NEK3: variants seen among roughly 807,000 people sequenced by gnomAD.
The protein encoded by NEK3 is serine/threonine-protein kinase Nek3.
NEK3 carries 54 observed loss-of-function variants against 66.0 expected under a neutral mutation model. The ratio of observed to expected loss-of-function variants is 0.82; its 90% CI spans 0.66 to 1.03. The LOEUF (loss-of-function observed/expected upper bound fraction) is 1.03, where lower values mean the gene tolerates loss of function less well. Ranked by LOEUF, NEK3 falls within the 50% of genes least tolerant of loss-of-function variation. NEK3 has a pLI of 0.00. For missense variants in NEK3, 593 were observed against 603.0 expected, an observed-to-expected ratio of 0.98 and a Z score of 0.17; for synonymous variants, 200 against 206.2, an observed-to-expected ratio of 0.97 and a Z score of 0.26.
At chr13:52,150,496 T>TTGGCAG (rs1191015648) in intron 7 of NEK3, among the ~76,000 whole-genome samples, 1 of 152,226 alleles carries the variant, frequency 6.6e-6, no homozygotes, top group African/African-American at 2.4e-5. Flanking sequence ...CAAAATGTTA[T>TTGGCAG]TGGCAGTTAA....
intron 9 of NEK3, 21 bp from the exon 10 acceptor site, chr13:52,144,008 T>TAGG (rs1206236324): frequency 7.4e-7 from 1 of 1,348,464 alleles, no homozygotes; most frequent in Non-Finnish European, 1.0e-6. Flanking sequence ...AAGTTGAGAA[T>TAGG]TTAGAGATGT....
At chr13:52,157,481 A>G (rs1299993391) in intron 1 of NEK3, 1 of 152,338 alleles carries the variant, frequency 6.6e-6, no homozygotes, top group Non-Finnish European at 1.5e-5. Context: ...GAGGAAAGGC[A>G]CAATGGTTGT....
intron 1 of NEK3, chr13:52,159,201 T>C (rs1325601981): frequency 6.6e-6 from 1 of 152,240 alleles, no homozygotes; most frequent in Non-Finnish European, 1.5e-5. Context: ...TTCTCACTGG[T>C]TCTTTCCGGG....
intron 5 of NEK3, among the ~76,000 whole-genome samples, chr13:52,152,319 A>T (rs1278989360): frequency 6.6e-6 from 1 of 152,152 alleles, no homozygotes; most frequent in East Asian, 1.9e-4. Flanking sequence ...CTCACCACAA[A>T]GAAATAATAA....
chr13:52,144,998 G>T, intron 8 of NEK3, 107 bp from the exon 9 acceptor site: 1 of 759,044 alleles, frequency 1.3e-6, no homozygotes, highest in South Asian at 1.8e-5. Flanking sequence ...TCTGCTGTCT[G>T]GTCATTTTTC....
chr13:52,150,251 ATGTT>A (rs1956331718), intron 7 of NEK3, among the ~76,000 whole-genome samples: 1 of 152,204 alleles, frequency 6.6e-6, no homozygotes, highest in Non-Finnish European at 1.5e-5. Flanking sequence ...GACAAAAGGT[ATGTT>A]AATTACAGCA....
Position 52,144,731 on chromosome 13 carries a change from C to G in NEK3, c.764G>C (p.Gly255Ala), listed in dbSNP as rs573295625. The change falls in exon 9 of 16, where the codon GGC becomes GCC. Residue 255 changes from glycine (G) to alanine (A), a missense_variant. Physicochemically the swap from Gly to Ala is moderately conservative, Grantham distance 60 (BLOSUM62 0). Coordinates refer to ENST00000610828, the MANE Select transcript of NEK3 (RefSeq NM_002498.3). Reference sequence around the variant, plus strand: ...CTTCTGGACAAGCCGAGCTACGATGCCTCGAGAGAGAAGCGTTGTAGCCGA... The same window carrying G: ...CTTCTGGACAAGCCGAGCTACGATGGCTCGAGAGAGAAGCGTTGTAGCCGA... ...RPSATTLLSR[G>A]IVARLVQKCL... The G allele has an allele frequency of 5.6e-6, 9 of 1,613,854 alleles. No homozygotes were observed. The highest frequency in any genetic ancestry group is 7.6e-6 in the Non-Finnish European group (9 of 1,179,864).
Position 52,144,743 on chromosome 13 carries a change from A to C in NEK3, c.752T>G (p.Leu251Arg). Residue 251 changes from leucine to arginine, a missense_variant, in exon 9 of 16, where the codon CTT (leucine) becomes CGT (arginine). Coordinates refer to ENST00000610828, the MANE Select transcript of NEK3 (RefSeq NM_002498.3). ...NPSHRPSATT[L>R]LSRGIVARLV... is the part of the protein sequence containing the mutation. ...CCGAGCTACGATGCCTCGAGAGAGA[A>C]GCGTTGTAGCCGAGGGGCGATGTGA... The C allele has an allele frequency of 6.2e-7, 1 of 1,613,924 alleles. No individual in the cohort carries two copies. The highest frequency in any genetic ancestry group is 8.5e-7 in the Non-Finnish European group (1 of 1,179,868).
At chr13:52,151,479 G>A (rs1421268724) in intron 5 of NEK3, 87 bp from the exon 6 acceptor site, 3 of 1,199,828 alleles carry the variant, frequency 2.5e-6, no homozygotes, top group African/African-American at 1.5e-5. Context: ...GCTGATGATG[G>A]AGATTAAGGC....
At position 52,136,169 on chromosome 13, in the gene NEK3, G is replaced by A; in HGVS notation, c.1121C>T (p.Ala374Val). 6.2e-7 allele frequency: 1 copy of A among 1,613,754 alleles called. No homozygotes were observed. The highest frequency in any genetic ancestry group is 8.5e-7 in the Non-Finnish European group (1 of 1,179,730). The stretch of plus-strand genomic sequence containing the variant: ...GGTGAGTATGGATGCATTTTCCAAA[G>A]CTGTAAGAGCTGTATTGGGTACATT... ...EKNVPNTALT[A>V]LENASILTSS... Residue 374 changes from alanine (A) to valine (V), a missense_variant, in exon 13 of 16, where the codon GCT becomes GTT. By Grantham distance (64) the Ala-to-Val change is moderately conservative (BLOSUM62 0). Transcript: ENST00000610828.
In NEK3 at chr13:52,140,572, C is replaced by T. The variant is rs554139554; in HGVS notation, c.927+448G>A. Among the ~76,000 whole-genome samples, 3 of 152,076 alleles carry T rather than the reference C, an allele frequency of 2.0e-5. No individual in the cohort carries two copies. In the East Asian group the frequency reaches 5.9e-4, roughly 30 times the overall value. On this transcript the variant is annotated intron_variant, in intron 11 of 15. Transcript: ENST00000610828. Reference sequence around the variant, plus strand: ...GCAGTGAGCCAAGATGGTGCCACTGCACTCCAGCCTGGGTGACAGAGCAAG... The same window carrying T: ...GCAGTGAGCCAAGATGGTGCCACTGTACTCCAGCCTGGGTGACAGAGCAAG...
At chr13:52,140,305 A>G (rs1464495043) in intron 11 of NEK3, among the ~76,000 whole-genome samples, 1 of 150,552 alleles carries the variant, frequency 6.6e-6, no homozygotes, top group Non-Finnish European at 1.5e-5. Context: ...TGAAACCACT[A>G]TCATCAATAA....
intron 12 of NEK3, among the ~76,000 whole-genome samples, 194 bp downstream of exon 12, chr13:52,136,606 G>A (rs915817382): frequency 6.6e-6 from 1 of 152,006 alleles, no homozygotes; most frequent in African/African-American, 2.4e-5. Flanking sequence ...TCTTTCTAAT[G>A]ACTCTTACTG....
intron 14 of NEK3, 142 bp downstream of exon 14, chr13:52,135,587 G>T: frequency 1.6e-6 from 1 of 610,584 alleles, no homozygotes; most frequent in Non-Finnish European, 2.6e-6. Flanking sequence ...AACTGGTGAT[G>T]GCTGTACAAC....
At chr13:52,155,007 C>T (rs1259545270) in intron 2 of NEK3, among the ~76,000 whole-genome samples, 2 of 151,578 alleles carry the variant, frequency 1.3e-5, no homozygotes, top group Non-Finnish European at 2.9e-5. Context: ...TATAGTAACA[C>T]AAGGGTTCTC....
intron 15 of NEK3, 34 bp downstream of exon 15, chr13:52,133,655 C>G (rs753390338): frequency 1.3e-6 from 2 of 1,540,616 alleles, no homozygotes; most frequent in Non-Finnish European, 1.8e-6. Context: ...ACCCCCAACC[C>G]CAGCTACAGC....
intron 11 of NEK3, among the ~76,000 whole-genome samples, chr13:52,139,821 C>A (rs1471099471): frequency 6.6e-6 from 1 of 151,654 alleles, no homozygotes; most frequent in Non-Finnish European, 1.5e-5. Context: ...ATTGCTTGAA[C>A]CCGGGAGGCA....
intron 7 of NEK3, among the ~76,000 whole-genome samples, chr13:52,150,487 A>G (rs1956334476): frequency 6.6e-6 from 1 of 152,224 alleles, no homozygotes; most frequent in South Asian, 2.1e-4. Context: ...AAAAAACATC[A>G]AAATGTTATT....
In NEK3 at chr13:52,144,672, A is replaced by C. The variant is rs1956278513; in HGVS notation, c.804+19T>G. Reference sequence around the variant, plus strand: ...ATACACTTGAAAACTGTTCACAACCAATCCAACACAGATCATACCTCGGGG... The same window carrying C: ...ATACACTTGAAAACTGTTCACAACCCATCCAACACAGATCATACCTCGGGG... On this transcript the variant is annotated intron_variant, in intron 9 of 15. Coordinates refer to ENST00000610828, the MANE Select transcript of NEK3 (RefSeq NM_002498.3). The C allele has an allele frequency of 6.2e-7, 1 of 1,608,844 alleles. No homozygotes were observed.
Sources: gnomAD v4.1 joint callset for allele counts (sites outside exome capture counted in the v4.1 genomes callset) on GRCh38, gnomAD v4.1.1 for gene constraint, MANE v1.5 for transcripts, NCBI Gene and HGNC (gene_info 2026-07-23, HGNC 2026-07-21) for gene names.